The following EIF3K variants were observed in gnomAD, a reference collection of about 807,000 sequenced individuals.
The protein encoded by EIF3K is eukaryotic translation initiation factor 3 subunit K, also known as eIF-3 p28.
A neutral mutation model predicts 34.2 loss-of-function variants in EIF3K; 27 were observed. That is an observed-to-expected ratio of 0.79 (90% CI 0.58 to 1.09). The LOEUF (loss-of-function observed/expected upper bound fraction) is 1.09. Ranked by LOEUF, EIF3K falls within the 50% of genes least tolerant of loss-of-function variation. The pLI is 0.00. For missense variants in EIF3K, 232 were observed against 275.4 expected (o/e 0.84, Z 1.11); for synonymous variants, 105 against 105.7 (o/e 0.99, Z 0.04).
intron 2 of EIF3K, among the ~76,000 whole-genome samples, chr19:38,623,074 A>G (rs1475546368): frequency 1.3e-5 from 2 of 152,228 alleles, no homozygotes; most frequent in Non-Finnish European, 2.9e-5. Context: ...TGACAGGATT[A>G]AGAGATTAAA....
chr19:38,628,421 T>C (rs1975992146), intron 4 of EIF3K: 1 of 152,452 alleles, frequency 6.6e-6, no homozygotes, highest in African/African-American at 2.4e-5. Flanking sequence ...CGCTTCCTCC[T>C]AGCTTCTCAG....
At chr19:38,621,874 C>G (rs1975847848) in intron 2 of EIF3K, among the ~76,000 whole-genome samples, 1 of 142,654 alleles carries the variant, frequency 7.0e-6, no homozygotes, top group African/African-American at 2.6e-5. Flanking sequence ...TCTTCTGGCT[C>G]TTGATGGACA....
At chr19:38,620,711 C>T (rs1454238946) in intron 2 of EIF3K, among the ~76,000 whole-genome samples, 2 of 151,384 alleles carry the variant, frequency 1.3e-5, no homozygotes, top group African/African-American at 2.4e-5. Flanking sequence ...CTGGCCAACA[C>T]GGAGAAACCC....
chr19:38,626,175 G>T, intron 4 of EIF3K, 73 bp downstream of exon 4: 3 of 1,385,262 alleles, frequency 2.2e-6, no homozygotes, highest in Non-Finnish European at 3.1e-6. Context: ...AGTAACAACG[G>T]TGCACACTGA....
intron 7 of EIF3K, 122 bp downstream of exon 7, chr19:38,635,240 C>A: frequency 1.4e-6 from 2 of 1,380,092 alleles, no homozygotes; most frequent in South Asian, 1.2e-5. Context: ...AAGTCTGCAC[C>A]TGCCAGATTC....
chr19:38,630,343 A>ATTTTTTTTT (rs200889380), intron 4 of EIF3K, among the ~76,000 whole-genome samples: 1 of 131,776 alleles, frequency 7.6e-6, no homozygotes, highest in Non-Finnish European at 1.7e-5. Context: ...TTATTTATTT[A>ATTTTTTTTT]TTTATTTTTT....
Position 38,634,863 on chromosome 19 carries a change from C to T in EIF3K, c.500-130C>T, listed in dbSNP as rs111755767. 3.7e-6 allele frequency: 5 copies of T among 1,337,564 alleles called. 1 individual carries two copies. In the African/African-American group the frequency reaches 5.8e-5, roughly 16 times the overall value. 82.9% of individuals were successfully genotyped at this position (1,337,564 alleles called of 1,614,324 possible). A position where few individuals can be genotyped will look rare whatever the true frequency, so the allele number is the denominator to read the frequency against. ...AGCAAGGAGACCAGGCCAGCTGCTG[C>T]TGTCCAGGAGATGTCAGTGGGCAAG... On this transcript the variant is annotated intron_variant, in intron 6 of 7. Coordinates refer to ENST00000248342, the MANE Select transcript of EIF3K (RefSeq NM_013234.4).
chr19:38,629,020 C>T (rs1976005864), intron 4 of EIF3K, among the ~76,000 whole-genome samples: 1 of 152,076 alleles, frequency 6.6e-6, no homozygotes, highest in Non-Finnish European at 1.5e-5. Context: ...CTGTTCCTAT[C>T]CCAGACCCTG....
At chr19:38,626,267 TCA>T in intron 4 of EIF3K, 165 bp downstream of exon 4, 1 of 681,238 alleles carries the variant, frequency 1.5e-6, no homozygotes, top group South Asian at 1.7e-5. Flanking sequence ...GAGCAGGTAC[TCA>T]CAGGTCATCC....
At chr19:38,621,877 G>A (rs1175689443) in intron 2 of EIF3K, among the ~76,000 whole-genome samples, 3 of 147,712 alleles carry the variant, frequency 2.0e-5, no homozygotes, top group African/African-American at 7.4e-5. Flanking sequence ...TCTGGCTCTT[G>A]ATGGACATTG....
At chr19:38,632,706 TC>T in intron 6 of EIF3K, 28 bp downstream of exon 6, 2 of 1,590,982 alleles carry the variant, frequency 1.3e-6, no homozygotes, top group South Asian at 2.3e-5. Context: ...CTGGTGCACA[TC>T]TGGGAGGTTG....
At position 38,624,160 on chromosome 19, in the gene EIF3K, A is replaced by G. The variant is rs1240269784; in HGVS notation, c.242A>G (p.Asp81Gly). 6.2e-7 allele frequency: 1 copy of G among 1,614,164 alleles called. No homozygotes were observed. The highest frequency in any genetic ancestry group is 1.7e-5 in the Admixed American group (1 of 60,012). Residue 81 changes from aspartate (D) to glycine (G), a missense_variant, in exon 3 of 8, where the codon GAC (aspartate) becomes GGC (glycine). Physicochemically the swap from Asp to Gly is moderately conservative, Grantham distance 94. Transcript: ENST00000248342. ...GCCCTCACCAACTTGCCGCACACAG[A>G]CTTCACCCTGTGCAAGTGCATGATC... ...LKALTNLPHT[D>G]FTLCKCMIDQ...
At chr19:38,630,349 T>TA (rs200271652) in intron 4 of EIF3K, among the ~76,000 whole-genome samples, 10 of 134,618 alleles carry the variant, frequency 7.4e-5, no homozygotes, top group East Asian at 6.1e-4. Flanking sequence ...ATTTATTTAT[T>TA]TTTTTTTTTT....
chr19:38,626,950 G>A (rs1487200601), intron 4 of EIF3K, among the ~76,000 whole-genome samples: 1 of 152,050 alleles, frequency 6.6e-6, no homozygotes, highest in Non-Finnish European at 1.5e-5. Context: ...ACAGGCACAC[G>A]CCATCATGCC....
Position 38,626,109 on chromosome 19 carries a change from T to A in EIF3K, c.354+7T>A. 3 of 1,613,866 alleles carry A rather than the reference T, an allele frequency of 1.9e-6. No individual in the cohort carries two copies. Among genetic ancestry groups the A allele is most frequent in the Non-Finnish European group, 2.5e-6 (3 of 1,179,822 alleles). On this transcript the variant is annotated splice_region_variant and intron_variant, in intron 4 of 7. Coordinates refer to ENST00000248342, the MANE Select transcript of EIF3K (RefSeq NM_013234.4). ...CCATTTCCAGGCCTTCTGGGTAACT[T>A]CCCTGGGGTCCAGGGGCAGGGGAGA...
chr19:38,634,191 G>A (rs566901809), intron 6 of EIF3K, among the ~76,000 whole-genome samples: 1 of 143,714 alleles, frequency 7.0e-6, no homozygotes, highest in African/African-American at 2.6e-5. Context: ...CCTCCTCCTG[G>A]TTTCAAACAA....
At chr19:38,626,610 C>T (rs1249107599) in intron 4 of EIF3K, among the ~76,000 whole-genome samples, 1 of 152,196 alleles carries the variant, frequency 6.6e-6, no homozygotes, top group Non-Finnish European at 1.5e-5. Context: ...TGCACTCCAG[C>T]CTGGGCAACA....
intron 2 of EIF3K, among the ~76,000 whole-genome samples, chr19:38,621,704 G>A (rs528913804): frequency 3.3e-5 from 5 of 152,190 alleles, no homozygotes; most frequent in Non-Finnish European, 7.3e-5. Flanking sequence ...AGTGCATACA[G>A]CACAAACTCT....
chr19:38,636,006 T>G (rs1568659494), intron 7 of EIF3K, among the ~76,000 whole-genome samples: 1 of 152,232 alleles, frequency 6.6e-6, no homozygotes, highest in East Asian at 1.9e-4. Flanking sequence ...ATTTTGTACT[T>G]AACTGGGGAA....
Sources: allele counts gnomAD v4.1 joint callset (sites outside exome capture counted in the v4.1 genomes callset), GRCh38; gene constraint gnomAD v4.1.1; transcripts MANE v1.5; gene names NCBI Gene and HGNC (gene_info 2026-07-23, HGNC 2026-07-21).